The following PSMD2 variants were observed in gnomAD, a reference collection of about 807,000 sequenced individuals.
PSMD2 encodes the protein proteasome 26S subunit ubiquitin receptor, non-ATPase 2, also known as 26S proteasome non-ATPase regulatory subunit 2.
In PSMD2, 8 loss-of-function variants were observed where a neutral mutation model predicts 101.5. The ratio of observed to expected loss-of-function variants is 0.08; its 90% CI spans 0.05 to 0.14. PSMD2 has a LOEUF of 0.14. Ranked by LOEUF, PSMD2 falls within the 10% of genes least tolerant of loss-of-function variation. The probability of loss-of-function intolerance (pLI) is 1.00; values close to 1 mark genes in which losing one functional copy is unlikely to be tolerated. For missense variants in PSMD2, 784 were observed against 1,147.4 expected (o/e 0.68, Z 4.58); for synonymous variants, 418 against 433.8 (o/e 0.96, Z 0.45).
chr3:184,304,190 G>T lies in PSMD2; in HGVS notation c.1452-114G>T. On this transcript the variant is annotated intron_variant, in intron 11 of 20. Transcript: ENST00000310118. The surrounding 1 kb of genome is among the most constrained non-coding windows in gnomAD (Gnocchi z 4.1). ...CTACCACTGTGCCTATTGGGTATCT[G>T]GCTCTTGGTGAATGTTTGTTGAAAT... 1 of 1,549,930 alleles carries T rather than the reference G, an allele frequency of 6.5e-7. No individual in the cohort carries two copies. Among genetic ancestry groups the T allele is most frequent in the Non-Finnish European group, 8.9e-7 (1 of 1,122,442 alleles).
At chr3:184,303,216 A>G (rs1402803603) in intron 8 of PSMD2, 104 bp from the exon 9 acceptor site, 1 of 1,510,978 alleles carries the variant, frequency 6.6e-7, no homozygotes, top group Non-Finnish European at 9.1e-7. Context: ...GGTAGAGGAT[A>G]CTAAGGGACT....
chr3:184,307,550 A>G lies in PSMD2; in HGVS notation c.2203+25A>G, dbSNP rs925356173. On this transcript the variant is annotated intron_variant, in intron 17 of 20. Coordinates refer to ENST00000310118, the MANE Select transcript of PSMD2 (RefSeq NM_002808.5). ...GGTGAGTATCCGGCAGAAGAAGGTC[A>G]TAAACAGATTGGGGGAAGATTTGAA... 7 of 1,614,062 alleles carry G rather than the reference A, an allele frequency of 4.3e-6. No homozygotes were observed. The Admixed American group carries it at 5.0e-5, about 12-fold the overall frequency.
At position 184,306,094 on chromosome 3, in the gene PSMD2, G is replaced by A; in HGVS notation, c.1743G>A (p.Glu581=). 6.2e-7 allele frequency: 1 copy of A among 1,614,248 alleles called. No homozygotes were observed. Among genetic ancestry groups the A allele is most frequent in the Non-Finnish European group, 8.5e-7 (1 of 1,180,050 alleles). ...TCGAGGCAATCCTGGCTGCACTGGA[G>A]GTTGTGTCAGAGCCATTCCGCAGTT... The part of the protein sequence containing the change: ...EAIEAILAAL[E]VVSEPFRSFA... Residue 581 remains glutamate (E), a synonymous_variant, in exon 14 of 21, where the codon GAG becomes GAA. Coordinates refer to ENST00000310118, the MANE Select transcript of PSMD2 (RefSeq NM_002808.5).
At chr3:184,303,199 G>A (rs1209216790) in intron 8 of PSMD2, 121 bp from the exon 9 acceptor site, 5 of 1,495,834 alleles carry the variant, frequency 3.3e-6, no homozygotes, top group South Asian at 1.2e-5. Context: ...CTGCTTGGGG[G>A]GGTATAGGTA....
chr3:184,307,979 G>A lies in PSMD2; in HGVS notation c.2388G>A (p.Leu796=). 6.2e-7 allele frequency: 1 copy of A among 1,614,096 alleles called. No individual in the cohort carries two copies. Among genetic ancestry groups the A allele is most frequent in the Non-Finnish European group, 8.5e-7 (1 of 1,180,036 alleles). ...QLMSQVAVAG[L]LTVLVSFLDV... is the part of the protein sequence containing the mutation. ...TGAGCCAGGTGGCCGTGGCTGGACT[G>A]CTCACTGTGCTTGTCTCTTTCCTGG... Residue 796 remains leucine, a synonymous_variant, in exon 19 of 21, where the codon CTG becomes CTA. Coordinates refer to ENST00000310118, the MANE Select transcript of PSMD2 (RefSeq NM_002808.5).
rs540501684 is a variant in PSMD2, at chr3:184,300,510, G to A, written c.357+66G>A. 41 of 1,554,890 alleles carry A rather than the reference G, an allele frequency of 2.6e-5. No homozygotes were observed. The South Asian group carries it at 3.9e-4, about 15-fold the overall frequency. On this transcript the variant is annotated intron_variant, in intron 3 of 20. Coordinates refer to ENST00000310118, the MANE Select transcript of PSMD2 (RefSeq NM_002808.5). Reference sequence around the variant, plus strand: ...TTCCTTTTTACCCAGATCATGGGGGGACTCATTGTGAGTCACAGGAAGCCT... The same window carrying A: ...TTCCTTTTTACCCAGATCATGGGGGAACTCATTGTGAGTCACAGGAAGCCT...
rs559185781 is a variant in PSMD2 at position 184,304,664 on chromosome 3, T to C, written c.1539+273T>C. ...ACTTTGGGAGGCTGCAGTGGGCGGA[T>C]CACTTGAGCCCAGGAGTTCGAGACC... On this transcript the variant is annotated intron_variant, in intron 12 of 20. Coordinates refer to ENST00000310118, the MANE Select transcript of PSMD2 (RefSeq NM_002808.5). This position sits in a 1 kb window ranked among gnomAD's most constrained non-coding sequence, Gnocchi z 4.1. 2.9e-3 allele frequency among the ~76,000 whole-genome samples: 446 copies of C among 152,206 alleles called. 4 individuals carry two copies. Among genetic ancestry groups the C allele is most frequent in the African/African-American group, 0.01 (424 of 41,516 alleles).
Position 184,308,681 on chromosome 3 carries a change from T to G in PSMD2, c.2545-27T>G. 6.2e-7 allele frequency: 1 copy of G among 1,603,232 alleles called. No homozygotes were observed. Among genetic ancestry groups the G allele is most frequent in the Middle Eastern group, 1.7e-4 (1 of 6,014 alleles). On this transcript the variant is annotated intron_variant, in intron 20 of 20. Coordinates refer to ENST00000310118, the MANE Select transcript of PSMD2 (RefSeq NM_002808.5). This position sits in a 1 kb window ranked among gnomAD's most constrained non-coding sequence, Gnocchi z 6.0. ...GGTGGCTTGTCGCTACTTTTCCATC[T>G]CTCTTTTCAATTTTCTTACCCTACA... is the stretch of plus-strand genomic sequence containing the variant.
chr3:184,302,927 C>T, intron 7 of PSMD2, 75 bp from the exon 8 acceptor site: 1 of 1,608,028 alleles, frequency 6.2e-7, no homozygotes. Context: ...TTAGAATTGC[C>T]ATTCAGTGGG....
chr3:184,301,261 C>T (rs952129357), intron 3 of PSMD2, among the ~76,000 whole-genome samples: 22 of 150,912 alleles, frequency 1.5e-4, no homozygotes, highest in African/African-American at 4.4e-4. Context: ...ACTTGAACCC[C>T]GGAGGCAGAG....
chr3:184,301,882 A>T lies in PSMD2; in HGVS notation c.515A>T (p.Glu172Val). ...LAGEVAKEWQ[E>V]LDDAEKVQRE... is the part of the protein sequence containing the mutation. Reference sequence around the variant, plus strand: ...GGAGAAGTGGCTAAGGAGTGGCAGGAGCTGGATGACGCAGAGAAGGTCCAG... The same window carrying T: ...GGAGAAGTGGCTAAGGAGTGGCAGGTGCTGGATGACGCAGAGAAGGTCCAG... Residue 172 changes from glutamate to valine, a missense_variant, in exon 5 of 21, where the codon GAG (glutamate) becomes GTG (valine). Glu to Val is a moderately radical substitution (Grantham distance 121). Transcript: ENST00000310118. The T allele has an allele frequency of 6.2e-7, 1 of 1,612,108 alleles. No homozygotes were observed.
chr3:184,299,627 C>T (rs1356905655), intron 1 of PSMD2: 3 of 669,004 alleles, frequency 4.5e-6, no homozygotes, highest in African/African-American at 1.8e-5. Context: ...GAAGTGGACT[C>T]GGGCAGGTCA....
At chr3:184,300,129 G>A in intron 2 of PSMD2, 151 bp from the exon 3 acceptor site, 2 of 932,376 alleles carry the variant, frequency 2.1e-6, no homozygotes, top group South Asian at 3.4e-5. Flanking sequence ...ATTTGTTTTT[G>A]TGCCAGGCAG....
Position 184,307,920 on chromosome 3 carries a change from A to G in PSMD2, c.2329A>G (p.Thr777Ala). The change falls in exon 19 of 21, where the codon ACC (threonine) becomes GCC (alanine). Residue 777 changes from threonine to alanine, a missense_variant. Around this residue, in one of 6 missense-constraint regions of PSMD2, gnomAD observed 282 missense variants for 437.6 expected, o/e 0.64. Coordinates refer to ENST00000310118, the MANE Select transcript of PSMD2 (RefSeq NM_002808.5). Reference protein sequence around the residue: ...GLTHLGKGTLTLCPYHSDRQL... With the variant: ...GLTHLGKGTLALCPYHSDRQL... ...GACACATTTAGGGAAGGGCACCCTT[A>G]CCCTCTGCCCCTACCACAGCGACCG... is the stretch of plus-strand genomic sequence containing the variant. The G allele has an allele frequency of 3.1e-6, 5 of 1,613,862 alleles. No homozygotes were observed. The highest frequency in any genetic ancestry group is 4.2e-6 in the Non-Finnish European group (5 of 1,179,966).
intron 2 of PSMD2, 119 bp from the exon 3 acceptor site, chr3:184,300,161 A>G (rs1721593761): frequency 1.8e-6 from 2 of 1,127,946 alleles, no homozygotes; most frequent in Non-Finnish European, 2.5e-6. Context: ...TTGAGGAATC[A>G]CAGATGAATG....
chr3:184,300,151 T>C, intron 2 of PSMD2, 129 bp from the exon 3 acceptor site: 3 of 1,052,950 alleles, frequency 2.8e-6, no homozygotes, highest in Non-Finnish European at 4.1e-6. Context: ...GTGCAGGGAG[T>C]TGAGGAATCA....
Position 184,300,290 on chromosome 3 carries a change from C to T in PSMD2, c.203C>T (p.Thr68Ile). The change falls in exon 3 of 21, where the codon ACA becomes ATA. Residue 68 changes from threonine (T) to isoleucine (I), a missense_variant. By Grantham distance (89) the Thr-to-Ile change is moderately conservative (BLOSUM62 -1). This residue lies in a region of PSMD2 where 196 missense variants were observed against 182.4 expected (regional missense o/e 1.07). Transcript: ENST00000310118. Reference protein sequence around the residue: ...MLVERLGEKDTSLYRPALEEL... With the variant: ...MLVERLGEKDISLYRPALEEL... ...TCGTCTCTTGATCAGGAGAAGGATA[C>T]ATCCCTGTATCGACCAGCGCTGGAG... 1 of 1,613,406 alleles carries T rather than the reference C, an allele frequency of 6.2e-7. No homozygotes were observed. The highest frequency in any genetic ancestry group is 8.5e-7 in the Non-Finnish European group (1 of 1,179,594).
intron 8 of PSMD2, 62 bp downstream of exon 8, chr3:184,303,124 G>T: frequency 6.4e-7 from 1 of 1,565,182 alleles, no homozygotes; most frequent in African/African-American, 1.4e-5. Context: ...TGTATTGGGA[G>T]TGATGGCTTG....
In PSMD2 at chr3:184,308,964, G is replaced by A. The variant is rs979499048; in HGVS notation, c.*74G>A. ...GCATCCTGCTGCCAAGGGTGGACAC[G>A]GCTGCAGACTTCTGGGGGAATTGTC... is the stretch of plus-strand genomic sequence containing the variant. On this transcript the variant is annotated 3_prime_UTR_variant, in exon 21 of 21. Coordinates refer to ENST00000310118, the MANE Select transcript of PSMD2 (RefSeq NM_002808.5). This position sits in a 1 kb window ranked among gnomAD's most constrained non-coding sequence, Gnocchi z 6.0. 3.3e-5 allele frequency: 48 copies of A among 1,453,832 alleles called. No individual in the cohort carries two copies. The highest frequency in any genetic ancestry group is 3.2e-4 in the Admixed American group (16 of 50,664). 90.1% of individuals were successfully genotyped at this position (1,453,832 alleles called of 1,614,324 possible). A position where few individuals can be genotyped will look rare whatever the true frequency, so the allele number is the denominator to read the frequency against.
Sources: gnomAD v4.1 joint callset for allele counts (sites outside exome capture counted in the v4.1 genomes callset) on GRCh38, gnomAD v4.1.1 for gene constraint, gnomAD v4.1.1 regional missense constraint, Gnocchi (gnomAD v3.1) non-coding constraint, MANE v1.5 for transcripts, NCBI Gene and HGNC (gene_info 2026-07-23, HGNC 2026-07-21) for gene names.